ASPSCR1: variants seen among roughly 807,000 people sequenced by gnomAD.
The protein encoded by ASPSCR1 is tether containing UBX domain for GLUT4.
ASPSCR1 carries 55 observed loss-of-function variants against 68.9 expected under a neutral mutation model. The ratio of observed to expected loss-of-function variants is 0.80; its 90% CI spans 0.64 to 1.00. The LOEUF (loss-of-function observed/expected upper bound fraction) is 1.00, where lower values mean the gene tolerates loss of function less well. ASPSCR1 is among the 50% of genes least tolerant of loss of function. The pLI is 0.00. For synonymous variants in ASPSCR1, 352 were observed against 332.6 expected (o/e 1.06, Z -0.63); for missense variants, 765 against 762.2 (o/e 1.00, Z -0.04).
At chr17:82,016,133 C>A in intron 12 of ASPSCR1, 1 of 319,890 alleles carries the variant, frequency 3.1e-6, no homozygotes, top group Non-Finnish European at 5.8e-6. Flanking sequence ...CCGGCGCATC[C>A]GCCAGGACCC....
rs368050708 is a variant in ASPSCR1 at position 82,017,031 on chromosome 17, G to T, written c.1566G>T (p.Leu522=). The change falls in exon 15 of 16, where the codon CTG becomes CTT. Residue 522 remains leucine (L), a synonymous_variant. Coordinates refer to ENST00000306739, the MANE Select transcript of ASPSCR1 (RefSeq NM_024083.4). ...AGCCAGCTGCTGAGGAGGGGGCGCTGGTCCCCCCTGAGCCCATCCCAGGGA... is the reference window on the plus strand; with the variant it reads ...AGCCAGCTGCTGAGGAGGGGGCGCTTGTCCCCCCTGAGCCCATCCCAGGGA... ...KSEPAAEEGA[L]VPPEPIPGTA... 3 of 1,612,332 alleles carry T rather than the reference G, an allele frequency of 1.9e-6. No individual in the cohort carries two copies. The highest frequency in any genetic ancestry group is 8.5e-7 in the Non-Finnish European group (1 of 1,179,876).
intron 4 of ASPSCR1, among the ~76,000 whole-genome samples, chr17:81,993,407 G>A (rs904828740): frequency 1.3e-5 from 2 of 152,136 alleles, no homozygotes; most frequent in African/African-American, 4.8e-5. Context: ...TAGAGACGGG[G>A]TTTCATTGTG....
At chr17:82,010,534 A>AG (rs1408607671) in intron 9 of ASPSCR1, among the ~76,000 whole-genome samples, 2 of 149,492 alleles carry the variant, frequency 1.3e-5, no homozygotes, top group Non-Finnish European at 3.0e-5. Flanking sequence ...ATCTCAAAAA[A>AG]AAAAAAAAAA....
rs1222479717 is a variant in ASPSCR1 at position 81,999,624 on chromosome 17, C to T, written c.933+2778C>T. ...CCCGGGTGACAGAGTGAAACTCCAT[C>T]TCAAAAAAAAAAAAAAAAAAGAAAA... On this transcript the variant is annotated intron_variant, in intron 7 of 15. Coordinates refer to ENST00000306739, the MANE Select transcript of ASPSCR1 (RefSeq NM_024083.4). The surrounding 1 kb of genome is among the most constrained non-coding windows in gnomAD (Gnocchi z 4.4). 7.0e-6 allele frequency among the ~76,000 whole-genome samples: 1 copy of T among 143,580 alleles called. No homozygotes were observed. The highest frequency in any genetic ancestry group is 1.5e-5 in the Non-Finnish European group (1 of 65,882). The allele number at this position is 143,580 out of a possible 152,430, so 94.2% of individuals were successfully genotyped here.
intron 7 of ASPSCR1, among the ~76,000 whole-genome samples, chr17:82,001,145 A>G (rs1222575714): frequency 6.6e-6 from 1 of 152,100 alleles, no homozygotes; most frequent in Non-Finnish European, 1.5e-5. Flanking sequence ...TTTTGGGGGT[A>G]AACCAGCGGG....
intron 5 of ASPSCR1, chr17:81,995,503 T>C: frequency 3.8e-6 from 1 of 263,878 alleles, no homozygotes; most frequent in South Asian, 4.4e-5. Flanking sequence ...GCTGGGCCAT[T>C]GACTGTGCCC....
In ASPSCR1 at chr17:81,994,130, G is replaced by A. The variant is rs577161619; in HGVS notation, c.375-691G>A. On this transcript the variant is annotated intron_variant, in intron 4 of 15. Coordinates refer to ENST00000306739, the MANE Select transcript of ASPSCR1 (RefSeq NM_024083.4). ...GTGACGGCATGTGCCCGTCTCCCGG[G>A]CTGCCATGCACATCAGGCATGTGTG... 2.0e-5 allele frequency among the ~76,000 whole-genome samples: 3 copies of A among 152,378 alleles called. No homozygotes were observed. In the East Asian group the frequency reaches 5.8e-4, roughly 29 times the overall value.
chr17:82,015,815 G>A (rs891837096), intron 12 of ASPSCR1: 1 of 203,328 alleles, frequency 4.9e-6, no homozygotes, highest in Non-Finnish European at 1.0e-5. Context: ...CCTCTCCAGG[G>A]CCACTCGGGC....
Position 82,009,575 on chromosome 17 carries a change from G to A in ASPSCR1, c.1170+8G>A. 3 of 1,562,406 alleles carry A rather than the reference G, an allele frequency of 1.9e-6. No individual in the cohort carries two copies. The highest frequency in any genetic ancestry group is 2.6e-6 in the Non-Finnish European group (3 of 1,160,300). On this transcript the variant is annotated splice_region_variant and intron_variant, in intron 9 of 15. Transcript: ENST00000306739. ...CTGGAGCGCTACCCAAAGGTCTGCAGACAGGATGTGGGGGCGACTGAGGCA... is the reference window on the plus strand; with the variant it reads ...CTGGAGCGCTACCCAAAGGTCTGCAAACAGGATGTGGGGGCGACTGAGGCA...
intron 3 of ASPSCR1, among the ~76,000 whole-genome samples, chr17:81,984,116 C>A (rs2041885285): frequency 6.6e-6 from 1 of 151,964 alleles, no homozygotes; most frequent in African/African-American, 2.4e-5. Context: ...CTCCCAAAGT[C>A]CTCCCAAAGG....
rs1225163178 is a variant in ASPSCR1 at position 81,983,843 on chromosome 17, C to G, written c.273+175C>G. ...CTTCCTGTTTTTTGATAACTGGCAACTGAAAATGAGCATCTCATGTTTTTT... is the reference window on the plus strand; with the variant it reads ...CTTCCTGTTTTTTGATAACTGGCAAGTGAAAATGAGCATCTCATGTTTTTT... On this transcript the variant is annotated intron_variant, in intron 3 of 15. Coordinates refer to ENST00000306739, the MANE Select transcript of ASPSCR1 (RefSeq NM_024083.4). This position sits in a 1 kb window ranked among gnomAD's most constrained non-coding sequence, Gnocchi z 4.4. 6.6e-6 allele frequency among the ~76,000 whole-genome samples: 1 copy of G among 151,456 alleles called. No individual in the cohort carries two copies. Among genetic ancestry groups the G allele is most frequent in the Non-Finnish European group, 1.5e-5 (1 of 67,894 alleles).
chr17:81,992,847 G>A (rs532452965), intron 4 of ASPSCR1, among the ~76,000 whole-genome samples: 77 of 152,332 alleles, frequency 5.1e-4, no homozygotes, highest in African/African-American at 1.8e-3. Context: ...CAGCCTGTGC[G>A]CAGAGGACAC....
chr17:81,985,238 C>A (rs1443978015), intron 3 of ASPSCR1, among the ~76,000 whole-genome samples: 1 of 151,722 alleles, frequency 6.6e-6, no homozygotes, highest in East Asian at 1.9e-4. Context: ...CCGCACACAC[C>A]CACACACACA....
intron 2 of ASPSCR1, among the ~76,000 whole-genome samples, chr17:81,981,745 C>T (rs569964530): frequency 4.6e-5 from 7 of 152,100 alleles, no homozygotes; most frequent in East Asian, 1.9e-4. Context: ...CTCAGCTCAC[C>T]GCAACCTCTG....
intron 13 of ASPSCR1, 83 bp downstream of exon 13, chr17:82,016,610 C>T (rs1470033569): frequency 2.8e-5 from 42 of 1,518,234 alleles, no homozygotes; most frequent in Middle Eastern, 2.0e-4. Flanking sequence ...GGAGGGCGTT[C>T]GGTCTGGGGC....
At chr17:82,005,455 G>A (rs2042681503) in intron 7 of ASPSCR1, 1 of 152,130 alleles carries the variant, frequency 6.6e-6, no homozygotes, top group Non-Finnish European at 1.5e-5. Context: ...GCTTCTGGAA[G>A]GCTCCTCCTG....
At chr17:81,989,188 A>G (rs1327551010) in intron 4 of ASPSCR1, among the ~76,000 whole-genome samples, 1 of 152,224 alleles carries the variant, frequency 6.6e-6, no homozygotes, top group Non-Finnish European at 1.5e-5. Context: ...AGCCTGGGCG[A>G]CAGAGCAAGA....
Position 81,994,860 on chromosome 17 carries a change from C to T in ASPSCR1, c.414C>T (p.Cys138=), listed in dbSNP as rs374521150. Residue 138 remains cysteine (C), a synonymous_variant, in exon 5 of 16, where the codon TGC becomes TGT. Transcript: ENST00000306739. ...LQHPGGATPV[C]VYTRDEVTGE... The stretch of plus-strand genomic sequence containing the variant: ...ACCCCGGCGGGGCCACCCCAGTCTG[C>T]GTGTACACGAGGGATGAGGTAGGCG... 2.4e-5 allele frequency: 39 copies of T among 1,612,814 alleles called. No individual in the cohort carries two copies. Among genetic ancestry groups the T allele is most frequent in the East Asian group, 1.6e-4 (7 of 44,862 alleles).
At chr17:82,010,944 C>T in intron 10 of ASPSCR1, 76 bp downstream of exon 10, 2 of 1,540,196 alleles carry the variant, frequency 1.3e-6, no homozygotes, top group Admixed American at 1.7e-5. Flanking sequence ...TCCTTCCAGG[C>T]CACAGGACTG....
Sources: allele counts gnomAD v4.1 joint callset (sites outside exome capture counted in the v4.1 genomes callset), GRCh38; gene constraint gnomAD v4.1.1; non-coding constraint Gnocchi (gnomAD v3.1); transcripts MANE v1.5; gene names NCBI Gene and HGNC (gene_info 2026-07-23, HGNC 2026-07-21).